The following PAX6 variants were observed in gnomAD, a reference collection of about 807,000 sequenced individuals.
The protein encoded by PAX6 is paired box 6.
PAX6 carries 7 observed loss-of-function variants against 60.7 expected under a neutral mutation model. That is an observed-to-expected ratio of 0.12 (90% CI 0.07 to 0.22). PAX6 has a LOEUF of 0.22. Ranked by LOEUF, PAX6 falls within the 10% of genes least tolerant of loss-of-function variation. The pLI is 1.00. For synonymous variants in PAX6, 208 were observed against 201.2 expected (o/e 1.03, Z -0.29); for missense variants, 355 against 555.2 (o/e 0.64, Z 3.62).
chr11:31,811,281 C>T lies in PAX6; in HGVS notation c.-483G>A. The T allele has an allele frequency of 1.5e-5, 6 of 398,956 alleles. No homozygotes were observed. The East Asian group carries it at 2.1e-4, about 14-fold the overall frequency. The allele number at this position is 398,956 out of a possible 1,614,324, so 24.7% of individuals were successfully genotyped here. ...ACCAGAGCGGGAAATGAGGCCGAGC[C>T]ACGGTTCCCTTTTCAAACCCACTAA... On this transcript the variant is annotated 5_prime_UTR_variant, in exon 1 of 14. Transcript: ENST00000640368.
chr11:31,816,034 C>T (rs977498109), upstream of PAX6, among the ~76,000 whole-genome samples: 21 of 152,308 alleles, frequency 1.4e-4, no homozygotes, highest in African/African-American at 5.1e-4. Context: ...CAAATGACAC[C>T]ACCCAGGCTG....
chr11:31,796,694 C>CA (rs1373313808), intron 8 of PAX6, among the ~76,000 whole-genome samples: 3 of 150,880 alleles, frequency 2.0e-5, no homozygotes, highest in Admixed American at 1.3e-4. Flanking sequence ...AAAGAAGGCT[C>CA]AAAAAACATA....
intron 8 of PAX6, among the ~76,000 whole-genome samples, chr11:31,800,224 A>G (rs1481528194): frequency 6.6e-6 from 1 of 152,082 alleles, no homozygotes; most frequent in Non-Finnish European, 1.5e-5. Flanking sequence ...CTCGCCCTGC[A>G]TCTCCCTGCT....
At chr11:31,790,133 A>G (rs970100310) in intron 13 of PAX6, 114 bp from the exon 14 acceptor site, 1 of 739,806 alleles carries the variant, frequency 1.4e-6, no homozygotes, top group African/African-American at 1.8e-5. Context: ...AATACTTTCT[A>G]ACATTTTTTA....
At chr11:31,790,097 C>CAAA (rs1171009926) in intron 13 of PAX6, 78 bp from the exon 14 acceptor site, 6,611 of 145,110 alleles carry the variant, frequency 0.046, 1,563 homozygotes, top group African/African-American at 0.083. Flanking sequence ...TATAGGTTTA[C>CAAA]AAAAAAAAAA....
At chr11:31,803,428 T>TA (rs1258085700) in intron 4 of PAX6, 1 of 154,248 alleles carries the variant, frequency 6.5e-6, no homozygotes, top group African/African-American at 2.4e-5. Context: ...CCTTAGACGC[T>TA]AAAATCCAGA....
chr11:31,800,100 G>T (rs1167337508), intron 8 of PAX6, among the ~76,000 whole-genome samples: 1 of 151,964 alleles, frequency 6.6e-6, no homozygotes, highest in Admixed American at 6.6e-5. Context: ...CTTCCACATA[G>T]TCGCCACCCA....
At chr11:31,813,443 C>A (rs539921439), upstream of PAX6, among the ~76,000 whole-genome samples, 149 of 149,698 alleles carry the variant, frequency 1.0e-3, no homozygotes, top group African/African-American at 3.6e-3. Flanking sequence ...ATTTTTACAA[C>A]CTCTCAATTA....
chr11:31,799,222 T>C (rs1341592700), intron 8 of PAX6, among the ~76,000 whole-genome samples: 3 of 152,034 alleles, frequency 2.0e-5, no homozygotes, highest in Non-Finnish European at 4.4e-5. Flanking sequence ...ATCGCTAGTC[T>C]CACCAGAGGC....
chr11:31,801,450 G>A, intron 7 of PAX6, 111 bp downstream of exon 7: 6 of 1,581,110 alleles, frequency 3.8e-6, no homozygotes, highest in Non-Finnish European at 5.2e-6. Flanking sequence ...CAAATGTGGA[G>A]CAGGGAGAGG....
intron 5 of PAX6, 140 bp downstream of exon 5, chr11:31,802,564 G>A: frequency 1.2e-6 from 1 of 816,490 alleles, no homozygotes; most frequent in Non-Finnish European, 1.9e-6. Flanking sequence ...AGGCAGGGGA[G>A]TGGGTGGGGG....
At chr11:31,797,674 C>T (rs1952043228) in intron 8 of PAX6, among the ~76,000 whole-genome samples, 1 of 152,196 alleles carries the variant, frequency 6.6e-6, no homozygotes, top group African/African-American at 2.4e-5. Context: ...GACCTAGCGG[C>T]TGCTCTTACA....
chr11:31,802,475 A>T, intron 5 of PAX6: 1 of 512,556 alleles, frequency 2.0e-6, no homozygotes, highest in Non-Finnish European at 3.4e-6. Flanking sequence ...ATTTTTCTGA[A>T]GCAGATGAGT....
intron 5 of PAX6, chr11:31,802,292 A>T (rs1954251905): frequency 3.2e-6 from 1 of 314,964 alleles, no homozygotes; most frequent in Non-Finnish European, 5.8e-6. Flanking sequence ...ATTCATAAAC[A>T]TGAAGAATAA....
At chr11:31,799,487 C>T (rs1242425971) in intron 8 of PAX6, among the ~76,000 whole-genome samples, 2 of 152,224 alleles carry the variant, frequency 1.3e-5, no homozygotes, top group African/African-American at 4.8e-5. Context: ...TCTTGTGGAA[C>T]ATTTCTACAG....
At position 31,789,910 on chromosome 11, in the gene PAX6, T is replaced by TC. The variant is rs1280870793; in HGVS notation, c.*23dup. 6.7e-7 allele frequency: 1 copy of TC among 1,489,370 alleles called. No homozygotes were observed. The highest frequency in any genetic ancestry group is 1.2e-5 in the South Asian group (1 of 83,020). 92.3% of individuals were successfully genotyped at this position (1,489,370 alleles called of 1,614,324 possible). A position where few individuals can be genotyped will look rare whatever the true frequency, so the allele number is the denominator to read the frequency against. On this transcript the variant is annotated 3_prime_UTR_variant, in exon 14 of 14. Coordinates refer to ENST00000640368, the MANE Select transcript of PAX6 (RefSeq NM_001368894.2). ...GACTGAATTAACACAATATTTCCTT[T>TC]CCTTTTTTTTTTTTTTTTTTTTTTT...
At chr11:31,793,375 C>T in intron 12 of PAX6, 63 bp downstream of exon 12, 2 of 1,395,962 alleles carry the variant, frequency 1.4e-6, no homozygotes, top group Non-Finnish European at 2.0e-6. Flanking sequence ...GGTCCGCAGG[C>T]CCTGAGCCAC....
intron 8 of PAX6, among the ~76,000 whole-genome samples, chr11:31,798,135 C>CAA (rs1042244281): frequency 3.1e-5 from 4 of 127,294 alleles, no homozygotes; most frequent in Non-Finnish European, 6.2e-5. Context: ...GAGCGCGGAT[C>CAA]AAAACATTGT....
At chr11:31,817,528 C>G (rs1004134883) in intron 1 of PAX6, among the ~76,000 whole-genome samples, 2 of 152,266 alleles carry the variant, frequency 1.3e-5, no homozygotes, top group African/African-American at 4.8e-5. Flanking sequence ...ACTCCCGCCC[C>G]CTACTCCCAG....
Sources: allele counts gnomAD v4.1 joint callset (sites outside exome capture counted in the v4.1 genomes callset), GRCh38; gene constraint gnomAD v4.1.1; transcripts MANE v1.5; gene names NCBI Gene and HGNC (gene_info 2026-07-23, HGNC 2026-07-21).